The following KNL1 variants were observed in gnomAD, a reference collection of about 807,000 sequenced individuals.
The protein encoded by KNL1 is kinetochore scaffold 1.
KNL1 carries 66 observed loss-of-function variants against 201.3 expected under a neutral mutation model. That is an observed-to-expected ratio of 0.33 (90% CI 0.27 to 0.40). KNL1 has a LOEUF of 0.40. KNL1 is among the 10% of genes least tolerant of loss of function. The pLI is 1.00. For synonymous variants in KNL1, 895 were observed against 899.2 expected (o/e 1.00, Z 0.08); for missense variants, 2,815 against 2,690.5 (o/e 1.05, Z -1.02).
chr15:40,642,828 A>G (rs1893270536), intron 14 of KNL1: 1 of 152,158 alleles, frequency 6.6e-6, no homozygotes, highest in Non-Finnish European at 1.5e-5. Flanking sequence ...GGGTTTCACC[A>G]TGTTGGCCAG....
At chr15:40,627,234 G>C (rs934209780) in intron 10 of KNL1, among the ~76,000 whole-genome samples, 2 of 152,188 alleles carry the variant, frequency 1.3e-5, no homozygotes, top group African/African-American at 4.8e-5. Flanking sequence ...ATTGTTTTCA[G>C]CCAGGCGCGG....
chr15:40,632,551 A>C (rs539678482), intron 13 of KNL1, among the ~76,000 whole-genome samples: 2 of 152,130 alleles, frequency 1.3e-5, no homozygotes, highest in Non-Finnish European at 2.9e-5. Context: ...GCAAGGAGCC[A>C]AGATTGTACC....
At chr15:40,654,565 A>G (rs1184663029) in intron 21 of KNL1, among the ~76,000 whole-genome samples, 2 of 133,628 alleles carry the variant, frequency 1.5e-5, no homozygotes, top group South Asian at 2.3e-4. Context: ...ACTTCAAATC[A>G]GGTAGTTTAA....
chr15:40,630,555 G>A (rs1892885805), intron 13 of KNL1, among the ~76,000 whole-genome samples: 1 of 152,154 alleles, frequency 6.6e-6, no homozygotes, highest in Non-Finnish European at 1.5e-5. Flanking sequence ...ACTTCCCATT[G>A]CTTGCATTAC....
intron 1 of KNL1, among the ~76,000 whole-genome samples, chr15:40,598,933 A>G (rs1891698011): frequency 6.6e-6 from 1 of 151,842 alleles, no homozygotes; most frequent in African/African-American, 2.4e-5. Flanking sequence ...CCTCCCAAGT[A>G]GCTGGGACTA....
intron 13 of KNL1, among the ~76,000 whole-genome samples, chr15:40,637,367 C>CAT (rs1893087720): frequency 8.5e-6 from 1 of 118,094 alleles, no homozygotes; most frequent in Non-Finnish European, 1.9e-5. Flanking sequence ...AGATTAACAG[C>CAT]GTTTTTTTTT....
At chr15:40,658,392 G>A (rs1348014104) in intron 24 of KNL1, among the ~76,000 whole-genome samples, 7 of 151,424 alleles carry the variant, frequency 4.6e-5, no homozygotes, top group African/African-American at 1.2e-4. Context: ...AGCCGGGCAC[G>A]GTGGCAGGTG....
chr15:40,657,502 A>G, intron 24 of KNL1, 29 bp downstream of exon 24: 3 of 1,148,320 alleles, frequency 2.6e-6, no homozygotes, highest in South Asian at 1.2e-5. Flanking sequence ...AAGGACTGCC[A>G]TGACAGAGTA....
At chr15:40,632,776 T>C (rs1892949454) in intron 13 of KNL1, among the ~76,000 whole-genome samples, 1 of 151,878 alleles carries the variant, frequency 6.6e-6, no homozygotes, top group African/African-American at 2.4e-5. Flanking sequence ...TCTTAGCACT[T>C]TGAGGGGCCT....
Position 40,652,508 on chromosome 15 carries a change from G to A in KNL1, c.6415+403G>A, listed in dbSNP as rs542520860. On this transcript the variant is annotated intron_variant, in intron 21 of 25. Coordinates refer to ENST00000399668, the MANE Select transcript of KNL1 (RefSeq NM_144508.5). Reference sequence around the variant, plus strand: ...TTAAGAGTGAGGCCCTGCAGCTCACGCCTGTACTCCCAACACTTTGGGAGG... The same window carrying A: ...TTAAGAGTGAGGCCCTGCAGCTCACACCTGTACTCCCAACACTTTGGGAGG... Among the ~76,000 whole-genome samples, 8 of 141,958 alleles carry A rather than the reference G, an allele frequency of 5.6e-5. No homozygotes were observed. The East Asian group carries it at 1.0e-3, about 18-fold the overall frequency. The allele number at this position is 141,958 out of a possible 152,430, so 93.1% of individuals were successfully genotyped here.
chr15:40,654,826 G>A (rs770726480), intron 21 of KNL1, 83 bp from the exon 22 acceptor site: 11 of 991,794 alleles, frequency 1.1e-5, no homozygotes, highest in Admixed American at 7.0e-5. Flanking sequence ...CCAAGACTGC[G>A]CCATTGCACT....
intron 16 of KNL1, 90 bp downstream of exon 16, chr15:40,645,862 AC>A (rs896040528): frequency 7.3e-6 from 5 of 688,910 alleles, no homozygotes; most frequent in Non-Finnish European, 9.0e-6. Flanking sequence ...TCCTTAGAAG[AC>A]ATGTGAATAA....
chr15:40,596,676 C>G (rs947594268), intron 1 of KNL1, among the ~76,000 whole-genome samples: 6 of 152,000 alleles, frequency 3.9e-5, no homozygotes, highest in African/African-American at 1.5e-4. Context: ...TACCCTGTCA[C>G]CCTCATTTCC....
chr15:40,627,309 T>G (rs1261975704), intron 10 of KNL1, among the ~76,000 whole-genome samples: 1 of 152,124 alleles, frequency 6.6e-6, no homozygotes, highest in Non-Finnish European at 1.5e-5. Flanking sequence ...GATCAGGAGA[T>G]CAAGACCATC....
At position 40,607,734 on chromosome 15, in the gene KNL1, A is replaced by T. The variant is rs184663116; in HGVS notation, c.136-1113A>T. On this transcript the variant is annotated intron_variant, in intron 4 of 25. Coordinates refer to ENST00000399668, the MANE Select transcript of KNL1 (RefSeq NM_144508.5). ...CATCATTGACCATTAGGGAAATGTA[A>T]ATCAAAACCTAAATGAGATATCACC... Among the ~76,000 whole-genome samples, 25 of 152,264 alleles carry T rather than the reference A, an allele frequency of 1.6e-4. No individual in the cohort carries two copies. In the Middle Eastern group the frequency reaches 0.01, roughly 62 times the overall value.
rs761904722 is a variant in KNL1 at position 40,625,385 on chromosome 15, T to C, written c.5121T>C (p.Pro1707=). The C allele has an allele frequency of 1.7e-5, 27 of 1,614,000 alleles. No individual in the cohort carries two copies. Among genetic ancestry groups the C allele is most frequent in the Non-Finnish European group, 2.3e-5 (27 of 1,179,954 alleles). The change falls in exon 10 of 26, where the codon CCT becomes CCC. Residue 1707 remains proline (P), a synonymous_variant. Coordinates refer to ENST00000399668, the MANE Select transcript of KNL1 (RefSeq NM_144508.5). ...TTGCAGGTAAACTGAACCTAAGTCC[T>C]TCTCAATATATAAATGAGGAAAATC... The part of the protein sequence containing the change: ...GSVAGKLNLS[P]SQYINEENLP...
intron 21 of KNL1, among the ~76,000 whole-genome samples, chr15:40,653,211 G>A (rs986687306): frequency 6.6e-6 from 1 of 151,418 alleles, no homozygotes; most frequent in African/African-American, 2.4e-5. Flanking sequence ...ATTTTTTTGA[G>A]ACAGTCTCAC....
chr15:40,617,975 TAAAAAAAAAAAAAAAAAAAAAAA>T lies in KNL1; in HGVS notation c.323-967_323-945del, dbSNP rs71104706. ...CCTGAAATATAAATAAGGCTTTTAG[TAAAAAAAAAAAAAAAAAAAAAAA>T]AAAAAAAAAAAAAAAAGCTTATAAT... is the stretch of plus-strand genomic sequence containing the variant. On this transcript the variant is annotated intron_variant, in intron 8 of 25. Transcript: ENST00000399668. Among the ~76,000 whole-genome samples, 65 of 47,230 alleles carry T rather than the reference TAAAAAAAAAAAAAAAAAAAAAAA, an allele frequency of 1.4e-3. 2 individuals carry two copies. The highest frequency in any genetic ancestry group is 7.4e-3 in the East Asian group (9 of 1,222). 31.0% of individuals were successfully genotyped at this position (47,230 alleles called of 152,430 possible). A position where few individuals can be genotyped will look rare whatever the true frequency, so the allele number is the denominator to read the frequency against.
At chr15:40,646,916 G>A in intron 16 of KNL1, 71 bp from the exon 17 acceptor site, 1 of 630,794 alleles carries the variant, frequency 1.6e-6, no homozygotes. Flanking sequence ...GCGATTATGT[G>A]AGCAGTTTGA....
Sources: gnomAD v4.1 joint callset for allele counts (sites outside exome capture counted in the v4.1 genomes callset) on GRCh38, gnomAD v4.1.1 for gene constraint, MANE v1.5 for transcripts, NCBI Gene and HGNC (gene_info 2026-07-23, HGNC 2026-07-21) for gene names.